The following MSI2 variants were observed in gnomAD, a reference collection of about 807,000 sequenced individuals.
MSI2 encodes musashi RNA binding protein 2.
In MSI2, 17 loss-of-function variants were observed where a neutral mutation model predicts 45.6. That is an observed-to-expected ratio of 0.37 (90% CI 0.26 to 0.56). The LOEUF (loss-of-function observed/expected upper bound fraction) is 0.56, where lower values mean the gene tolerates loss of function less well. Among genes scored for constraint, MSI2 ranks in the 20% least tolerant of loss-of-function variants. The pLI, the probability that MSI2 is intolerant of heterozygous loss-of-function variation, is 0.77. For missense variants in MSI2, 293 were observed against 444.2 expected, an observed-to-expected ratio of 0.66 and a Z score of 3.06; for synonymous variants, 156 against 158.2, an observed-to-expected ratio of 0.99 and a Z score of 0.11.
Position 57,545,188 on chromosome 17 carries a change from C to A in MSI2, c.454+15464C>A, listed in dbSNP as rs144440748. ...AGGCCCCCCCGTTTTTTAAGTAGAG[C>A]GTTAATGCAACCTCATAAGTGCCTC... On this transcript the variant is annotated intron_variant, in intron 7 of 13. Coordinates refer to ENST00000284073, the MANE Select transcript of MSI2 (RefSeq NM_138962.4). Among the ~76,000 whole-genome samples, 785 of 152,064 alleles carry A rather than the reference C, an allele frequency of 5.2e-3. 11 individuals are homozygous for A. The highest frequency in any genetic ancestry group is 0.018 in the African/African-American group (756 of 41,442).
At chr17:57,434,781 ATT>A (rs60454598) in intron 6 of MSI2, among the ~76,000 whole-genome samples, 1 of 150,574 alleles carries the variant, frequency 6.6e-6, no homozygotes, top group African/African-American at 2.4e-5. Context: ...TATACACCAC[ATT>A]TTTTTTTTAT....
At chr17:57,637,687 C>T (rs900418741) in intron 10 of MSI2, among the ~76,000 whole-genome samples, 1 of 152,214 alleles carries the variant, frequency 6.6e-6, no homozygotes, top group African/African-American at 2.4e-5. Context: ...GCTATTGATC[C>T]TTCCTCACAG....
chr17:57,607,515 G>C (rs11079311), intron 8 of MSI2, among the ~76,000 whole-genome samples: 35,256 of 152,100 alleles, frequency 0.23, 4,447 homozygotes, highest in East Asian at 0.38. Context: ...GTCCCCTGGT[G>C]CTTGGCCACA....
chr17:57,553,375 A>T (rs373112676), intron 7 of MSI2, among the ~76,000 whole-genome samples: 19 of 152,316 alleles, frequency 1.2e-4, no homozygotes, highest in African/African-American at 4.3e-4. Flanking sequence ...CTGGACCCCT[A>T]GCCAGGTTTT....
rs1039840511 is a variant in MSI2 at position 57,682,403 on chromosome 17, T to C, written c.*2886T>C. Reference sequence around the variant, plus strand: ...TGCAAAACTGGATTTTTTTAATTTATTTTTTAAAAGAGGGAGGCATGGTAT... The same window carrying C: ...TGCAAAACTGGATTTTTTTAATTTACTTTTTAAAAGAGGGAGGCATGGTAT... On this transcript the variant is annotated 3_prime_UTR_variant, in exon 14 of 14. Transcript: ENST00000284073. 1 of 185,940 alleles carries C rather than the reference T, an allele frequency of 5.4e-6. No homozygotes were observed. The highest frequency in any genetic ancestry group is 2.4e-5 in the African/African-American group (1 of 42,546). 11.5% of individuals were successfully genotyped at this position (185,940 alleles called of 1,614,324 possible). A position where few individuals can be genotyped will look rare whatever the true frequency, so the allele number is the denominator to read the frequency against.
chr17:57,657,279 A>G (rs1911666131), intron 11 of MSI2, among the ~76,000 whole-genome samples: 1 of 152,216 alleles, frequency 6.6e-6, no homozygotes, highest in Non-Finnish European at 1.5e-5. Flanking sequence ...GCCCAGGAAG[A>G]TAAATCTGGA....
At chr17:57,257,054 G>C (rs1416063441) in intron 1 of MSI2, 44 bp from the exon 2 acceptor site, 1 of 1,513,108 alleles carries the variant, frequency 6.6e-7, no homozygotes, top group Admixed American at 1.8e-5. Context: ...CAAAATGGCC[G>C]ATCTGACATC....
intron 6 of MSI2, among the ~76,000 whole-genome samples, chr17:57,504,576 A>C (rs1412531600): frequency 6.6e-6 from 1 of 152,202 alleles, no homozygotes; most frequent in Non-Finnish European, 1.5e-5. Flanking sequence ...TGATGCCAGG[A>C]AGGTGGCCAT....
Position 57,402,816 on chromosome 17 carries a change from C to A in MSI2, c.405+1345C>A, listed in dbSNP as rs533089187. Among the ~76,000 whole-genome samples the A allele has an allele frequency of 2.6e-5, 4 of 152,338 alleles. No individual in the cohort carries two copies. The South Asian group carries it at 8.3e-4, about 32-fold the overall frequency. On this transcript the variant is annotated intron_variant, in intron 6 of 13. Coordinates refer to ENST00000284073, the MANE Select transcript of MSI2 (RefSeq NM_138962.4). ...AGGTTGGTTTTGAAAAGGCCTCCCC[C>A]ATGGCCCTTTCTGGTATTGTCAGCT...
At chr17:57,285,439 G>A (rs192645060) in intron 5 of MSI2, among the ~76,000 whole-genome samples, 5 of 152,338 alleles carry the variant, frequency 3.3e-5, no homozygotes, top group Admixed American at 2.6e-4. Context: ...GCCAACTTGC[G>A]GTTTTCCATT....
At chr17:57,551,337 G>C (rs79149976) in intron 7 of MSI2, among the ~76,000 whole-genome samples, 2,003 of 152,316 alleles carry the variant, frequency 0.013, 43 homozygotes, top group African/African-American at 0.046. Context: ...ACTCACCTGG[G>C]CTGGAGAATC....
At chr17:57,422,776 C>CT (rs1293437225) in intron 6 of MSI2, among the ~76,000 whole-genome samples, 6 of 152,152 alleles carry the variant, frequency 3.9e-5, no homozygotes, top group African/African-American at 1.4e-4. Flanking sequence ...ACATTTAAGC[C>CT]TTTTTTTCAT....
chr17:57,367,413 T>C (rs1480264627), intron 5 of MSI2, among the ~76,000 whole-genome samples: 1 of 152,176 alleles, frequency 6.6e-6, no homozygotes. Flanking sequence ...CTGAACTGAA[T>C]GAGGTATATG....
chr17:57,277,223 T>A (rs1267568836), intron 5 of MSI2, among the ~76,000 whole-genome samples: 1 of 151,924 alleles, frequency 6.6e-6, no homozygotes, highest in Non-Finnish European at 1.5e-5. Flanking sequence ...ACCCAGCTAA[T>A]TTTTTTGTAT....
At chr17:57,487,600 G>C (rs1408779229) in intron 6 of MSI2, among the ~76,000 whole-genome samples, 1 of 152,002 alleles carries the variant, frequency 6.6e-6, no homozygotes, top group Non-Finnish European at 1.5e-5. Flanking sequence ...ATACCTGGCA[G>C]CAGCCCTGTC....
intron 8 of MSI2, chr17:57,602,026 T>A (rs555764038): frequency 1.3e-5 from 2 of 152,318 alleles, no homozygotes; most frequent in South Asian, 4.1e-4. Context: ...TTGAAAAATA[T>A]GGATTTATAT....
At chr17:57,603,289 G>A (rs546016627) in intron 8 of MSI2, among the ~76,000 whole-genome samples, 1 of 152,202 alleles carries the variant, frequency 6.6e-6, no homozygotes, top group Non-Finnish European at 1.5e-5. Context: ...TGGGGTAAAG[G>A]GCTCGATTCT....
chr17:57,435,252 T>C (rs1336112839), intron 6 of MSI2, among the ~76,000 whole-genome samples: 1 of 151,484 alleles, frequency 6.6e-6, no homozygotes, highest in African/African-American at 2.4e-5. Context: ...ATATGGGAGG[T>C]AGTCATTCCC....
chr17:57,359,084 G>A (rs1916643403), intron 5 of MSI2, among the ~76,000 whole-genome samples: 1 of 152,060 alleles, frequency 6.6e-6, no homozygotes, highest in Non-Finnish European at 1.5e-5. Flanking sequence ...CAGTGGCAGG[G>A]GCCCCTTCCT....
Sources: gnomAD v4.1 joint callset for allele counts (sites outside exome capture counted in the v4.1 genomes callset) on GRCh38, gnomAD v4.1.1 for gene constraint, MANE v1.5 for transcripts, NCBI Gene and HGNC (gene_info 2026-07-23, HGNC 2026-07-21) for gene names.